Variants in TMPO observed in about 807,000 individuals in gnomAD.
TMPO encodes the protein LEM domain containing 4.
A neutral mutation model predicts 45.4 loss-of-function variants in TMPO; 22 were observed. The observed-to-expected ratio is 0.48, with a 90% confidence interval of 0.35 to 0.69. The LOEUF (loss-of-function observed/expected upper bound fraction) is 0.69, where lower values mean the gene tolerates loss of function less well. Ranked by LOEUF, TMPO falls within the 30% of genes least tolerant of loss-of-function variation. The probability of loss-of-function intolerance (pLI) is 0.01; values close to 1 mark genes in which losing one functional copy is unlikely to be tolerated. For synonymous variants in TMPO, 241 were observed against 204.1 expected (o/e 1.18, Z -1.54); for missense variants, 512 against 548.8 (o/e 0.93, Z 0.67).
In TMPO at chr12:98,548,076, T is replaced by G; in HGVS notation, c.*218T>G. 2.1e-6 allele frequency: 1 copy of G among 478,144 alleles called. No homozygotes were observed. 29.6% of individuals were successfully genotyped at this position (478,144 alleles called of 1,614,324 possible). On this transcript the variant is annotated 3_prime_UTR_variant, in exon 9 of 9. Transcript: ENST00000556029. ...AGGAGATCACTTTGTGCCATATGAA[T>G]AATCTTTTTTAGCTCTGGAACTTTT...
rs79128220 is a variant in TMPO, at chr12:98,545,129, G to GTTT, written c.990+84_990+86dup. Reference sequence around the variant, plus strand: ...AAAGAGGAAATATAAATATTTGTTTGTTTTTTTTTTTTTTTTTTGGAGTGG... The same window carrying GTTT: ...AAAGAGGAAATATAAATATTTGTTTGTTTTTTTTTTTTTTTTTTTTTGGAGTGG... On this transcript the variant is annotated intron_variant, in intron 7 of 8. Coordinates refer to ENST00000556029, the MANE Select transcript of TMPO (RefSeq NM_001032283.3). 70,695 of 623,464 alleles carry GTTT rather than the reference G, an allele frequency of 0.11. 2,437 individuals carry two copies. Among genetic ancestry groups the GTTT allele is most frequent in the Non-Finnish European group, 0.13 (52,391 of 393,986 alleles). The allele number at this position is 623,464 out of a possible 1,614,324, so 38.6% of individuals were successfully genotyped here. A position where few individuals can be genotyped will look rare whatever the true frequency, so the allele number is the denominator to read the frequency against.
intron 8 of TMPO, among the ~76,000 whole-genome samples, chr12:98,547,136 C>T (rs1023445842): frequency 6.7e-6 from 1 of 148,272 alleles, no homozygotes; most frequent in Non-Finnish European, 1.5e-5. Context: ...AGTACAGTGG[C>T]GTGATCTCGG....
At chr12:98,531,891 A>T in intron 3 of TMPO, 53 bp downstream of exon 3, 11 of 1,502,168 alleles carry the variant, frequency 7.3e-6, no homozygotes, top group Non-Finnish European at 1.0e-5. Flanking sequence ...CACACTCAAA[A>T]TTCAGTGACC....
At chr12:98,520,381 C>CA (rs898973685) in intron 1 of TMPO, among the ~76,000 whole-genome samples, 3 of 151,920 alleles carry the variant, frequency 2.0e-5, no homozygotes, top group Non-Finnish European at 2.9e-5. Flanking sequence ...CGGCTCACTG[C>CA]AACCTCTGCC....
chr12:98,517,352 G>T, intron 1 of TMPO, among the ~76,000 whole-genome samples: 1 of 152,088 alleles, frequency 6.6e-6, no homozygotes, highest in African/African-American at 2.4e-5. Flanking sequence ...GCTTTTTGTG[G>T]GTTTGCTTAT....
chr12:98,547,781 G>T lies in TMPO; in HGVS notation c.1288G>T (p.Val430Phe). ...TGTTGTGGCAGTTTTTTTGTTTTTG[G>T]TCTATCAAGCTATGGAAACCAACCA... Reference protein sequence around the residue: ...FVVVAVFLFLVYQAMETNQVN... With the variant: ...FVVVAVFLFLFYQAMETNQVN... The change falls in exon 9 of 9, where the codon GTC becomes TTC. Residue 430 changes from valine to phenylalanine, a missense_variant. By Grantham distance (50) the Val-to-Phe change is conservative (BLOSUM62 -1). Coordinates refer to ENST00000556029, the MANE Select transcript of TMPO (RefSeq NM_001032283.3). 6.2e-7 allele frequency: 1 copy of T among 1,614,028 alleles called. No homozygotes were observed. Among genetic ancestry groups the T allele is most frequent in the East Asian group, 2.2e-5 (1 of 44,882 alleles).
chr12:98,548,025 A>T lies in TMPO; in HGVS notation c.*167A>T. The T allele has an allele frequency of 5.1e-6, 4 of 784,434 alleles. No individual in the cohort carries two copies. Among genetic ancestry groups the T allele is most frequent in the Non-Finnish European group, 7.8e-6 (4 of 512,446 alleles). 48.6% of individuals were successfully genotyped at this position (784,434 alleles called of 1,614,324 possible). On this transcript the variant is annotated 3_prime_UTR_variant, in exon 9 of 9. Transcript: ENST00000556029. ...AAAATATATATAAATGGACTTCATT[A>T]AAATGTTTTTGAACTTTGGACTAGT...
At chr12:98,536,707 T>C (rs933385164) in intron 3 of TMPO, among the ~76,000 whole-genome samples, 1 of 152,202 alleles carries the variant, frequency 6.6e-6, no homozygotes, top group African/African-American at 2.4e-5. Context: ...TGATGATGAA[T>C]TTAAGACTAG....
chr12:98,540,248 T>A (rs1180896084), intron 4 of TMPO, among the ~76,000 whole-genome samples: 3 of 152,238 alleles, frequency 2.0e-5, no homozygotes, highest in South Asian at 2.1e-4. Flanking sequence ...GTAGTGAGGC[T>A]ATGCAGTAGA....
chr12:98,530,443 AT>A (rs1592941720), intron 2 of TMPO, among the ~76,000 whole-genome samples: 1 of 152,228 alleles, frequency 6.6e-6, no homozygotes, highest in African/African-American at 2.4e-5. Flanking sequence ...TCTTAAGGCT[AT>A]TTATATAACA....
intron 8 of TMPO, among the ~76,000 whole-genome samples, chr12:98,547,099 G>T (rs1463014802): frequency 1.4e-5 from 2 of 141,668 alleles, no homozygotes. Flanking sequence ...TTTTTGAGAC[G>T]GAGTTTTGCT....
At chr12:98,541,178 GT>G (rs1037649882) in intron 4 of TMPO, among the ~76,000 whole-genome samples, 18 of 152,234 alleles carry the variant, frequency 1.2e-4, no homozygotes, top group African/African-American at 4.1e-4. Context: ...CCAGGCTCAT[GT>G]ATACTTCCTG....
intron 3 of TMPO, among the ~76,000 whole-genome samples, chr12:98,536,656 T>C (rs1408051792): frequency 6.6e-6 from 1 of 152,180 alleles, no homozygotes; most frequent in Non-Finnish European, 1.5e-5. Flanking sequence ...CTGCCAGGGA[T>C]GTTAACTAAA....
intron 8 of TMPO, 93 bp downstream of exon 8, chr12:98,546,540 G>A: frequency 9.6e-7 from 1 of 1,046,416 alleles, no homozygotes; most frequent in South Asian, 1.3e-5. Flanking sequence ...CTTCTGCTCA[G>A]AATTAAGCTG....
At chr12:98,544,172 C>T (rs1002622972) in intron 4 of TMPO, 58 bp from the exon 5 acceptor site, 13 of 1,596,558 alleles carry the variant, frequency 8.1e-6, no homozygotes, top group African/African-American at 5.4e-5. Flanking sequence ...CCAGTATGGC[C>T]GTTATTAAAG....
chr12:98,541,071 G>A (rs1260249520), intron 4 of TMPO, among the ~76,000 whole-genome samples: 2 of 152,092 alleles, frequency 1.3e-5, no homozygotes, highest in South Asian at 2.1e-4. Flanking sequence ...TGTGCCATCT[G>A]TAGCCATTAG....
At position 98,549,959 on chromosome 12, in the gene TMPO, T is replaced by G. The variant is rs1381147264; in HGVS notation, c.*2101T>G. 6.6e-6 allele frequency: 1 copy of G among 152,220 alleles called. No homozygotes were observed. The highest frequency in any genetic ancestry group is 1.5e-5 in the Non-Finnish European group (1 of 68,036). The allele number at this position is 152,220 out of a possible 1,614,324, so 9.4% of individuals were successfully genotyped here. ...AGATGAGCCATAGAGGGGGCACCTT[T>G]TACTCAACTTTTCTTTGTTTTGAAA... On this transcript the variant is annotated 3_prime_UTR_variant, in exon 9 of 9. Transcript: ENST00000556029.
At chr12:98,526,875 T>C (rs1461163907) in intron 1 of TMPO, among the ~76,000 whole-genome samples, 5 of 152,072 alleles carry the variant, frequency 3.3e-5, no homozygotes, top group Non-Finnish European at 4.4e-5. Flanking sequence ...GGAGAATCGC[T>C]TGAACCCGGG....
intron 3 of TMPO, chr12:98,533,012 C>G: frequency 6.2e-7 from 1 of 1,613,706 alleles, no homozygotes; most frequent in South Asian, 1.1e-5. Context: ...GGAGACCTAC[C>G]TAGGGAGCCT....
Sources: allele counts gnomAD v4.1 joint callset (sites outside exome capture counted in the v4.1 genomes callset), GRCh38; gene constraint gnomAD v4.1.1; transcripts MANE v1.5; gene names NCBI Gene and HGNC (gene_info 2026-07-23, HGNC 2026-07-21).